INPP4B: variants seen among roughly 807,000 people sequenced by gnomAD.
INPP4B encodes the protein inositol polyphosphate 4-phosphatase type II.
Under a neutral mutation model 122.5 loss-of-function variants are expected in INPP4B, and 55 were observed. The ratio of observed to expected loss-of-function variants is 0.45; its 90% CI spans 0.36 to 0.56. The LOEUF is 0.56. INPP4B is among the 20% of genes least tolerant of loss of function. The pLI is 0.00. For missense variants in INPP4B, 1,000 were observed against 1,097.7 expected, an observed-to-expected ratio of 0.91 and a Z score of 1.26; for synonymous variants, 403 against 388.7, an observed-to-expected ratio of 1.04 and a Z score of -0.43.
At chr4:142,215,812 G>T (rs1367027543) in intron 12 of INPP4B, among the ~76,000 whole-genome samples, 1 of 145,758 alleles carries the variant, frequency 6.9e-6, no homozygotes, top group Non-Finnish European at 1.5e-5. Context: ...AGAATGGTGT[G>T]AACCCAGGAG....
intron 7 of INPP4B, chr4:142,383,849 G>T (rs11930321): frequency 0.15 from 74,351 of 482,818 alleles, 7,175 homozygotes; most frequent in African/African-American, 0.35. Context: ...ATGATGTTTT[G>T]TGCTTTGAAT....
chr4:142,620,850 A>G (rs1384978579), intron 2 of INPP4B, among the ~76,000 whole-genome samples: 2 of 151,956 alleles, frequency 1.3e-5, no homozygotes, highest in African/African-American at 4.8e-5. Flanking sequence ...TTTTTTTCAA[A>G]GACTCACTTA....
At chr4:142,651,915 A>T (rs778894732) in intron 2 of INPP4B, among the ~76,000 whole-genome samples, 14 of 152,118 alleles carry the variant, frequency 9.2e-5, no homozygotes, top group Non-Finnish European at 2.1e-4. Flanking sequence ...CAGAGACACA[A>T]CAAAAAAAGA....
intron 18 of INPP4B, among the ~76,000 whole-genome samples, chr4:142,130,737 T>C (rs1800843444): frequency 6.6e-6 from 1 of 152,162 alleles, no homozygotes; most frequent in African/African-American, 2.4e-5. Context: ...TGATCCAAGG[T>C]AAATGACTGA....
intron 2 of INPP4B, among the ~76,000 whole-genome samples, chr4:142,541,192 C>T (rs1036839698): frequency 4.6e-5 from 7 of 152,278 alleles, no homozygotes; most frequent in African/African-American, 1.7e-4. Context: ...AATTAACTAG[C>T]TCATGTAATC....
At chr4:142,425,039 C>A (rs1807740023) in intron 5 of INPP4B, among the ~76,000 whole-genome samples, 1 of 151,942 alleles carries the variant, frequency 6.6e-6, no homozygotes, top group South Asian at 2.1e-4. Context: ...CTAGTGAAAC[C>A]TATGGTGAAG....
chr4:142,427,663 T>C (rs1562076499), intron 5 of INPP4B, among the ~76,000 whole-genome samples: 1 of 152,030 alleles, frequency 6.6e-6, no homozygotes, highest in Non-Finnish European at 1.5e-5. Context: ...CCCTAATTGC[T>C]TCTGCTGCTT....
intron 23 of INPP4B, among the ~76,000 whole-genome samples, chr4:142,094,631 A>G (rs185440443): frequency 1.3e-5 from 2 of 152,308 alleles, no homozygotes; most frequent in East Asian, 1.9e-4. Flanking sequence ...CCCTTCTCCA[A>G]AAACCAAGGG....
chr4:142,212,550 A>G (rs1038794455), intron 12 of INPP4B, among the ~76,000 whole-genome samples: 2 of 152,156 alleles, frequency 1.3e-5, no homozygotes, highest in African/African-American at 4.8e-5. Flanking sequence ...ATTTTGTGGC[A>G]GTAGCCCTAT....
chr4:142,578,548 T>C (rs1444979906), intron 2 of INPP4B, among the ~76,000 whole-genome samples: 1 of 151,914 alleles, frequency 6.6e-6, no homozygotes, highest in African/African-American at 2.4e-5. Context: ...ACATGGTATT[T>C]CCTCTGTGAG....
chr4:142,144,222 T>TAC (rs35496129), intron 18 of INPP4B, among the ~76,000 whole-genome samples: 3,192 of 144,972 alleles, frequency 0.022, 41 homozygotes, highest in East Asian at 0.062. Flanking sequence ...AAATACAAGA[T>TAC]ACACACACAC....
At chr4:142,643,076 T>C (rs937370055) in intron 2 of INPP4B, among the ~76,000 whole-genome samples, 10 of 152,186 alleles carry the variant, frequency 6.6e-5, no homozygotes, top group Non-Finnish European at 1.5e-4. Context: ...CTTTGTCTGT[T>C]ATTGGTGTAT....
intron 1 of INPP4B, among the ~76,000 whole-genome samples, chr4:142,827,363 G>A (rs1781574181): frequency 6.6e-6 from 1 of 152,122 alleles, no homozygotes. Flanking sequence ...TTGAACCTAA[G>A]TCTTCAAGTC....
At chr4:142,623,089 T>C (rs114689119) in intron 2 of INPP4B, among the ~76,000 whole-genome samples, 1,734 of 152,060 alleles carry the variant, frequency 0.011, 31 homozygotes, top group African/African-American at 0.039. Flanking sequence ...CACTTGAAAA[T>C]GGAAACTCCA....
At chr4:142,180,769 G>T (rs1270641547) in intron 15 of INPP4B, among the ~76,000 whole-genome samples, 1 of 152,026 alleles carries the variant, frequency 6.6e-6, no homozygotes, top group Non-Finnish European at 1.5e-5. Context: ...AAATTAAAAT[G>T]CTATAACTAA....
At chr4:142,602,945 G>T (rs1740372593) in intron 2 of INPP4B, among the ~76,000 whole-genome samples, 1 of 152,102 alleles carries the variant, frequency 6.6e-6, no homozygotes, top group South Asian at 2.1e-4. Flanking sequence ...CAATAGCAAA[G>T]ACATGAATCG....
intron 5 of INPP4B, chr4:142,427,627 C>T (rs185086527): frequency 7.8e-5 from 31 of 397,930 alleles, no homozygotes; most frequent in Admixed American, 3.5e-4. Context: ...TGAAGGCTGG[C>T]CACCACATTT....
intron 2 of INPP4B, among the ~76,000 whole-genome samples, chr4:142,470,246 T>C (rs1414489351): frequency 6.6e-6 from 1 of 152,078 alleles, no homozygotes; most frequent in African/African-American, 2.4e-5. Context: ...ATCTATTTTG[T>C]ACAAATACTA....
chr4:142,339,195 G>A (rs564482946), intron 7 of INPP4B, among the ~76,000 whole-genome samples: 2 of 152,218 alleles, frequency 1.3e-5, no homozygotes, highest in South Asian at 2.1e-4. Flanking sequence ...TATTCTTTGT[G>A]GTTCTACTTT....
Sources: allele counts gnomAD v4.1 joint callset (sites outside exome capture counted in the v4.1 genomes callset), GRCh38; gene constraint gnomAD v4.1.1; transcripts MANE v1.5; gene names NCBI Gene and HGNC (gene_info 2026-07-23, HGNC 2026-07-21).